Variants in ACOT11 observed in about 807,000 individuals in gnomAD.
ACOT11 encodes the protein acyl-CoA thioesterase 11, also known as acyl-coenzyme A thioesterase 11.
In ACOT11, 69 loss-of-function variants were observed where a neutral mutation model predicts 77.5. That is an observed-to-expected ratio of 0.89 (90% CI 0.73 to 1.09). The LOEUF (loss-of-function observed/expected upper bound fraction) is 1.09, where lower values mean the gene tolerates loss of function less well. Among genes scored for constraint, ACOT11 ranks in the 50% least tolerant of loss-of-function variants. The probability of loss-of-function intolerance (pLI) is 0.00; values close to 1 mark genes in which losing one functional copy is unlikely to be tolerated. For synonymous variants in ACOT11, 279 were observed against 313.0 expected (o/e 0.89, Z 1.15); for missense variants, 766 against 813.7 (o/e 0.94, Z 0.71).
intron 1 of ACOT11, among the ~76,000 whole-genome samples, chr1:54,556,415 G>GT (rs1653259589): frequency 6.6e-6 from 1 of 152,058 alleles, no homozygotes; most frequent in Non-Finnish European, 1.5e-5. Flanking sequence ...TGTTTTTTCT[G>GT]TTTCTGTGAA....
rs761998330 is a variant in ACOT11, at chr1:54,584,746, G to A, written c.125G>A (p.Arg42Gln). Reference sequence around the variant, plus strand: ...GCCATGGCAGACGGCGAGGGATACCGGAACCCCACGGAGGTGCAGATGAGC... The same window carrying A: ...GCCATGGCAGACGGCGAGGGATACCAGAACCCCACGGAGGTGCAGATGAGC... The part of the protein sequence containing the change: ...DSAMADGEGY[R>Q]NPTEVQMSQL... Residue 42 changes from arginine to glutamine, a missense_variant, in exon 2 of 16, where the codon CGG (arginine) becomes CAG (glutamine). Coordinates refer to ENST00000343744, the MANE Select transcript of ACOT11 (RefSeq NM_147161.4). The surrounding 1 kb of genome is among the most constrained non-coding windows in gnomAD (Gnocchi z 6.3). 6.2e-6 allele frequency: 10 copies of A among 1,614,124 alleles called. No individual in the cohort carries two copies. Among genetic ancestry groups the A allele is most frequent in the South Asian group, 1.1e-5 (1 of 91,086 alleles).
intron 3 of ACOT11, among the ~76,000 whole-genome samples, chr1:54,590,801 C>T (rs1654684278): frequency 6.6e-6 from 1 of 152,180 alleles, no homozygotes; most frequent in Non-Finnish European, 1.5e-5. Flanking sequence ...GTCACCCAGC[C>T]TGGGATGCAG....
intron 15 of ACOT11, among the ~76,000 whole-genome samples, chr1:54,626,299 C>A (rs12022030): frequency 0.13 from 19,741 of 151,804 alleles, 1,583 homozygotes; most frequent in East Asian, 0.23. Flanking sequence ...AGAGAAAAGA[C>A]AAGAAAAGAA....
chr1:54,571,683 G>A (rs777209250), intron 1 of ACOT11, among the ~76,000 whole-genome samples: 34 of 152,196 alleles, frequency 2.2e-4, no homozygotes, highest in Non-Finnish European at 1.2e-4. Flanking sequence ...TCTCTGCTCC[G>A]CTCAGGAATG....
intron 7 of ACOT11, chr1:54,598,857 AAGAG>A (rs1250530865): frequency 2.0e-5 from 3 of 146,972 alleles, no homozygotes; most frequent in African/African-American, 7.6e-5. Flanking sequence ...AAAAAAAAAA[AAGAG>A]AGGCCAGGTG....
At chr1:54,581,121 T>C (rs1654290256) in intron 1 of ACOT11, among the ~76,000 whole-genome samples, 1 of 152,176 alleles carries the variant, frequency 6.6e-6, no homozygotes, top group Non-Finnish European at 1.5e-5. Flanking sequence ...CAAAGTCCCA[T>C]GGTGGGTGGA....
intron 1 of ACOT11, chr1:54,582,546 C>T: frequency 2.0e-6 from 2 of 984,868 alleles, no homozygotes; most frequent in Non-Finnish European, 2.4e-6. Flanking sequence ...GGTAGGGACT[C>T]CTGATTCACA....
rs201342105 is a variant in ACOT11, at chr1:54,607,261, A to G, written c.1498A>G (p.Asn500Asp). The G allele has an allele frequency of 6.2e-7, 1 of 1,614,034 alleles. No homozygotes were observed. Among genetic ancestry groups the G allele is most frequent in the Non-Finnish European group, 8.5e-7 (1 of 1,179,996 alleles). Residue 500 changes from asparagine (N) to aspartate (D), a missense_variant, in exon 14 of 16, where the codon AAT becomes GAT. By Grantham distance (23) the Asn-to-Asp change is conservative. Coordinates refer to ENST00000343744, the MANE Select transcript of ACOT11 (RefSeq NM_147161.4). The surrounding 1 kb of genome is among the most constrained non-coding windows in gnomAD (Gnocchi z 4.5). ...ILASRRKPCD[N>D]GDPYVIALRS... ...GGCCTCGAGGCGGAAGCCTTGTGAC[A>G]ATGGGTGTGTGCCTATCTGCTGTGG...
chr1:54,602,667 A>G lies in ACOT11; in HGVS notation c.1030-2A>G. 1 of 1,545,490 alleles carries G rather than the reference A, an allele frequency of 6.5e-7. No individual in the cohort carries two copies. Among genetic ancestry groups the G allele is most frequent in the Non-Finnish European group, 8.7e-7 (1 of 1,146,954 alleles). On this transcript the variant is annotated splice_acceptor_variant, in intron 9 of 15. Coordinates refer to ENST00000343744, the MANE Select transcript of ACOT11 (RefSeq NM_147161.4). LOFTEE classifies it high-confidence loss of function. ...GGTTGCCTATCCCGACTTCCTCCCC[A>G]GGATGGTGAGCGGCGGTACCGAGAG...
At chr1:54,613,476 C>T (rs1046012289), downstream of ACOT11, among the ~76,000 whole-genome samples, 17 of 151,752 alleles carry the variant, frequency 1.1e-4, no homozygotes, top group Non-Finnish European at 1.5e-5. Context: ...TCTTTCTATA[C>T]GTGGTCTCGC....
At chr1:54,549,697 C>G (rs1311185632) in intron 1 of ACOT11, among the ~76,000 whole-genome samples, 1 of 152,232 alleles carries the variant, frequency 6.6e-6, no homozygotes, top group East Asian at 1.9e-4. Context: ...TTGGTATACC[C>G]AGCACGGGGA....
At chr1:54,592,522 C>T (rs1407352691) in intron 3 of ACOT11, 24 bp from the exon 4 acceptor site, 3 of 1,607,200 alleles carry the variant, frequency 1.9e-6, no homozygotes, top group Admixed American at 3.4e-5. Flanking sequence ...CTGGAAGGCT[C>T]ACCTCCTACT....
Position 54,609,412 on chromosome 1 carries a change from T to C in ACOT11, c.*300T>C, listed in dbSNP as rs1348879497. 6.2e-7 allele frequency: 1 copy of C among 1,613,972 alleles called. No homozygotes were observed. The highest frequency in any genetic ancestry group is 1.7e-5 in the Admixed American group (1 of 60,016). ...CGCCCCCAGCTGGGTTGTGCTCCAC[T>C]GTGACGGTGGCCCGGGGGGAGGATG... On this transcript the variant is annotated 3_prime_UTR_variant, in exon 16 of 16. Transcript: ENST00000343744.
intron 9 of ACOT11, among the ~76,000 whole-genome samples, chr1:54,601,662 G>GCTGT (rs1009141429): frequency 6.6e-6 from 1 of 152,216 alleles, no homozygotes; most frequent in Non-Finnish European, 1.5e-5. Context: ...GGGTTAATGG[G>GCTGT]CTGTCATGAG....
chr1:54,619,816 T>C (rs1644210921), intron 15 of ACOT11: 4 of 1,597,856 alleles, frequency 2.5e-6, no homozygotes, highest in Admixed American at 3.3e-5. Flanking sequence ...CCCTCTGTCT[T>C]CTCTATCCCT....
At chr1:54,612,430 C>T, downstream of ACOT11, 2 of 1,306,722 alleles carry the variant, frequency 1.5e-6, no homozygotes, top group South Asian at 1.2e-5. Flanking sequence ...CTTCTGGGAT[C>T]TTGCTGGGGG....
rs185549524 is a variant in ACOT11, at chr1:54,553,596, G to A, written c.33+5254G>A. Among the ~76,000 whole-genome samples the A allele has an allele frequency of 2.0e-4, 31 of 152,130 alleles. 1 individual carries two copies. Among genetic ancestry groups the A allele is most frequent in the African/African-American group, 6.5e-4 (27 of 41,492 alleles). On this transcript the variant is annotated intron_variant, in intron 1 of 15. Transcript: ENST00000343744. Reference sequence around the variant, plus strand: ...ATTAACAGATACATTACCTCACATAGTTTTCATTTTTTTGGTGATAGTGCA... The same window carrying A: ...ATTAACAGATACATTACCTCACATAATTTTCATTTTTTTGGTGATAGTGCA...
At chr1:54,636,794 AT>A in exon 17 of ACOT11, 1 of 153,364 alleles carries the variant, frequency 6.5e-6, no homozygotes, top group Non-Finnish European at 1.5e-5. Flanking sequence ...CCTTTGCAGT[AT>A]TTTGCGTCTC....
chr1:54,589,390 CAAT>C (rs1002032920), intron 3 of ACOT11, among the ~76,000 whole-genome samples: 25 of 136,490 alleles, frequency 1.8e-4, no homozygotes, highest in Non-Finnish European at 3.7e-4. Context: ...AAAAAATTAA[CAAT>C]AATTTTTCAC....
Sources: allele counts gnomAD v4.1 joint callset (sites outside exome capture counted in the v4.1 genomes callset), GRCh38; gene constraint gnomAD v4.1.1; non-coding constraint Gnocchi (gnomAD v3.1); transcripts MANE v1.5; gene names NCBI Gene and HGNC (gene_info 2026-07-23, HGNC 2026-07-21).